Variants in DOCK4 observed in about 807,000 individuals in gnomAD.
DOCK4 encodes the protein dedicator of cytokinesis 4, also known as dedicator of cytokinesis protein 4.
Under a neutral mutation model 268.1 loss-of-function variants are expected in DOCK4, and 97 were observed. The ratio of observed to expected loss-of-function variants is 0.36; its 90% CI spans 0.31 to 0.43. The LOEUF (loss-of-function observed/expected upper bound fraction) is 0.43, where lower values mean the gene tolerates loss of function less well. Among genes scored for constraint, DOCK4 ranks in the 20% least tolerant of loss-of-function variants. DOCK4 has a pLI of 1.00. For missense variants in DOCK4, 2,145 were observed against 2,455.7 expected (o/e 0.87, Z 2.67); for synonymous variants, 954 against 887.2 (o/e 1.08, Z -1.34).
intron 1 of DOCK4, among the ~76,000 whole-genome samples, chr7:112,174,135 G>A (rs1818310258): frequency 6.6e-6 from 1 of 151,450 alleles, no homozygotes. Flanking sequence ...ACTTCCACCT[G>A]GACCAGCTGC....
At position 112,007,760 on chromosome 7, in the gene DOCK4, G is replaced by A. The variant is rs189519900; in HGVS notation, c.38-3629C>T. 9.6e-4 allele frequency among the ~76,000 whole-genome samples: 146 copies of A among 152,228 alleles called. 2 individuals are homozygous for A. Among genetic ancestry groups the A allele is most frequent in the African/African-American group, 3.4e-3 (143 of 41,546 alleles). ...AGCAAAGCAGATACCCATACACCAC[G>A]TATGCATTAATGAAGCTTCAATATG... is the stretch of plus-strand genomic sequence containing the variant. On this transcript the variant is annotated intron_variant, in intron 1 of 52. Coordinates refer to ENST00000428084, the MANE Select transcript of DOCK4 (RefSeq NM_001363540.2).
chr7:112,052,326 A>G (rs1458489162), intron 1 of DOCK4, among the ~76,000 whole-genome samples: 4 of 152,128 alleles, frequency 2.6e-5, no homozygotes, highest in Admixed American at 2.0e-4. Context: ...ACATATACCT[A>G]TATATTTTAA....
chr7:111,936,645 A>T (rs1794768305), intron 11 of DOCK4, among the ~76,000 whole-genome samples: 1 of 152,166 alleles, frequency 6.6e-6, no homozygotes, highest in South Asian at 2.1e-4. Context: ...AAGTTCCTTC[A>T]TCTGAACATA....
chr7:111,863,277 G>T, intron 23 of DOCK4, 95 bp downstream of exon 23: 1 of 1,317,640 alleles, frequency 7.6e-7, no homozygotes. Context: ...ATGCCTTTTA[G>T]TGTTTTGTTT....
At chr7:111,806,522 G>A (rs953029372) in intron 30 of DOCK4, among the ~76,000 whole-genome samples, 3 of 152,178 alleles carry the variant, frequency 2.0e-5, no homozygotes, top group African/African-American at 7.2e-5. Flanking sequence ...CCCTACGCTT[G>A]AACCACGTCA....
chr7:112,193,983 T>C (rs1017800899), intron 1 of DOCK4, among the ~76,000 whole-genome samples: 7 of 152,046 alleles, frequency 4.6e-5, no homozygotes, highest in African/African-American at 1.7e-4. Context: ...TCTCTTCTTA[T>C]AAAGACACAA....
intron 8 of DOCK4, among the ~76,000 whole-genome samples, chr7:111,954,394 T>G (rs1796294251): frequency 6.6e-6 from 1 of 152,126 alleles, no homozygotes; most frequent in African/African-American, 2.4e-5. Context: ...ATGGCAGAGA[T>G]GAAGGACATT....
At chr7:112,159,129 C>A (rs185517614) in intron 1 of DOCK4, among the ~76,000 whole-genome samples, 64 of 152,210 alleles carry the variant, frequency 4.2e-4, no homozygotes, top group African/African-American at 1.4e-3. Context: ...TGCAAATACG[C>A]CCTCCTAGAA....
In DOCK4 at chr7:112,043,349, A is replaced by G. The variant is rs147009816; in HGVS notation, c.38-39218T>C. Among the ~76,000 whole-genome samples the G allele has an allele frequency of 5.8e-3, 885 of 152,310 alleles. 12 individuals carry two copies. The highest frequency in any genetic ancestry group is 0.02 in the African/African-American group (836 of 41,568). On this transcript the variant is annotated intron_variant, in intron 1 of 52. Coordinates refer to ENST00000428084, the MANE Select transcript of DOCK4 (RefSeq NM_001363540.2). ...TAGAACCTGCCACAAATCAACTGTT[A>G]TCCACAAAGAATGGGGTGTTAAAAA... is the stretch of plus-strand genomic sequence containing the variant.
At chr7:112,041,485 T>C (rs1370431519) in intron 1 of DOCK4, among the ~76,000 whole-genome samples, 4 of 152,168 alleles carry the variant, frequency 2.6e-5, no homozygotes, top group Non-Finnish European at 5.9e-5. Context: ...CACCATTCCA[T>C]GGATAAAAAA....
At chr7:112,149,342 A>C (rs1815826909) in intron 1 of DOCK4, among the ~76,000 whole-genome samples, 1 of 152,140 alleles carries the variant, frequency 6.6e-6, no homozygotes, top group Non-Finnish European at 1.5e-5. Flanking sequence ...AAAAAAATGC[A>C]GGACAATCAT....
At chr7:111,955,624 G>C (rs978631794) in intron 8 of DOCK4, among the ~76,000 whole-genome samples, 54 of 152,132 alleles carry the variant, frequency 3.5e-4, no homozygotes, top group African/African-American at 1.3e-3. Context: ...AAAGATATCT[G>C]AAACAAATAT....
At position 111,916,980 on chromosome 7, in the gene DOCK4, G is replaced by GTTTTTTTTTTT. The variant is rs749349556; in HGVS notation, c.1067-1087_1067-1077dup. Among the ~76,000 whole-genome samples the GTTTTTTTTTTT allele has an allele frequency of 3.0e-4, 25 of 83,970 alleles. 1 individual carries two copies. In the East Asian group the frequency reaches 5.7e-3, roughly 19 times the overall value. 55.1% of individuals were successfully genotyped at this position (83,970 alleles called of 152,430 possible). A position where few individuals can be genotyped will look rare whatever the true frequency, so the allele number is the denominator to read the frequency against. On this transcript the variant is annotated intron_variant, in intron 12 of 52. Transcript: ENST00000428084. ...ACCCACCTCCCACCCTTTCCCCCATGTTTTTTTTTTTTTTTTTTTTTTTTT... is the reference window on the plus strand; with the variant it reads ...ACCCACCTCCCACCCTTTCCCCCATGTTTTTTTTTTTTTTTTTTTTTTTTTTTTTTTTTTTT...
intron 11 of DOCK4, among the ~76,000 whole-genome samples, chr7:111,936,499 T>C (rs1382549262): frequency 5.3e-5 from 8 of 151,812 alleles, no homozygotes; most frequent in Admixed American, 1.3e-4. Context: ...GATGGATGGA[T>C]GGATGGATGG....
intron 1 of DOCK4, among the ~76,000 whole-genome samples, chr7:112,090,521 A>C (rs962926481): frequency 1.3e-5 from 2 of 152,218 alleles, no homozygotes; most frequent in African/African-American, 4.8e-5. Flanking sequence ...TATGTAAGTA[A>C]CCATATTTTA....
chr7:111,852,115 G>A (rs373139720), intron 23 of DOCK4, among the ~76,000 whole-genome samples: 3 of 151,862 alleles, frequency 2.0e-5, no homozygotes, highest in East Asian at 3.9e-4. Flanking sequence ...GGCATTCGCC[G>A]CCATGCCCGG....
At chr7:112,060,568 C>G (rs1015062170) in intron 1 of DOCK4, among the ~76,000 whole-genome samples, 2 of 152,110 alleles carry the variant, frequency 1.3e-5, no homozygotes, top group Non-Finnish European at 2.9e-5. Flanking sequence ...AGATGCAACC[C>G]AAGTGTCCAT....
chr7:111,733,349 C>T (rs1030975405), intron 51 of DOCK4, among the ~76,000 whole-genome samples: 38 of 152,200 alleles, frequency 2.5e-4, no homozygotes, highest in African/African-American at 8.9e-4. Flanking sequence ...GCTCTGGGTC[C>T]TAAGGGGTCA....
chr7:112,130,224 G>C (rs1489233150), intron 1 of DOCK4, among the ~76,000 whole-genome samples: 1 of 152,152 alleles, frequency 6.6e-6, no homozygotes, highest in Non-Finnish European at 1.5e-5. Context: ...CGGGGGCTGT[G>C]TGACAGTACA....
Sources: allele counts gnomAD v4.1 joint callset (sites outside exome capture counted in the v4.1 genomes callset), GRCh38; gene constraint gnomAD v4.1.1; transcripts MANE v1.5; gene names NCBI Gene and HGNC (gene_info 2026-07-23, HGNC 2026-07-21).